Variants in DYNC2I1 observed in about 807,000 individuals in gnomAD.
The protein encoded by DYNC2I1 is dynein 2 intermediate chain 1.
A neutral mutation model predicts 133.4 loss-of-function variants in DYNC2I1; 89 were observed. The ratio of observed to expected loss-of-function variants is 0.67; its 90% CI spans 0.56 to 0.80. DYNC2I1 has a LOEUF of 0.80. Ranked by LOEUF, DYNC2I1 falls within the 30% of genes least tolerant of loss-of-function variation. The pLI is 0.00. For synonymous variants in DYNC2I1, 504 were observed against 484.3 expected, an observed-to-expected ratio of 1.04 and a Z score of -0.54; for missense variants, 1,291 against 1,314.5, an observed-to-expected ratio of 0.98 and a Z score of 0.28.
At chr7:158,904,082 CAG>C (rs1846513755) in intron 10 of DYNC2I1, 1 of 152,244 alleles carries the variant, frequency 6.6e-6, no homozygotes, top group African/African-American at 2.4e-5. Flanking sequence ...GTTGACATCA[CAG>C]TCTGTGCTGA....
At chr7:158,926,559 G>A (rs1215696113) in intron 19 of DYNC2I1, 96 bp downstream of exon 19, 1 of 1,355,614 alleles carries the variant, frequency 7.4e-7, no homozygotes, top group Admixed American at 2.0e-5. Flanking sequence ...GACCCAGTTA[G>A]CTGTGGTGGG....
rs137907830 is a variant in DYNC2I1 at position 158,938,384 on chromosome 7, A to G, written c.2779-3541A>G. Among the ~76,000 whole-genome samples, 4 of 152,334 alleles carry G rather than the reference A, an allele frequency of 2.6e-5. No individual in the cohort carries two copies. The South Asian group carries it at 6.2e-4, about 24-fold the overall frequency. ...CCGTATCCAGCAAAACTGTCATTCAAATATGAGGGAGGGTTAAAGTCTTTC... is the reference window on the plus strand; with the variant it reads ...CCGTATCCAGCAAAACTGTCATTCAGATATGAGGGAGGGTTAAAGTCTTTC... On this transcript the variant is annotated intron_variant, in intron 23 of 24. Coordinates refer to ENST00000407559, the MANE Select transcript of DYNC2I1 (RefSeq NM_018051.5).
rs1848695848 is a variant in DYNC2I1, at chr7:158,918,448, A to G, written c.1792-292A>G. On this transcript the variant is annotated intron_variant, in intron 14 of 24. Coordinates refer to ENST00000407559, the MANE Select transcript of DYNC2I1 (RefSeq NM_018051.5). ...CTTTACACTGCTTTGTTCATTTATG[A>G]ATGCTGGATACCCAGCCCCCTTTCT... 2.0e-5 allele frequency among the ~76,000 whole-genome samples: 3 copies of G among 152,292 alleles called. No individual in the cohort carries two copies. In the South Asian group the frequency reaches 6.2e-4, roughly 32 times the overall value.
downstream of DYNC2I1, among the ~76,000 whole-genome samples, chr7:158,948,148 G>T (rs371477106): frequency 6.6e-6 from 1 of 152,152 alleles, no homozygotes; most frequent in African/African-American, 2.4e-5. Flanking sequence ...TGGAGTAATC[G>T]CAGCCTCTAA....
intron 14 of DYNC2I1, 137 bp from the exon 15 acceptor site, chr7:158,918,603 T>A (rs1848710547): frequency 1.0e-6 from 1 of 965,010 alleles, no homozygotes; most frequent in Non-Finnish European, 1.5e-6. Flanking sequence ...ACCGTATCGT[T>A]TTTCTTGTAG....
In DYNC2I1 at chr7:158,896,994, T is replaced by A. The variant is rs1223270823; in HGVS notation, c.1060-4745T>A. On this transcript the variant is annotated intron_variant, in intron 8 of 24. Transcript: ENST00000407559. ...AAGAATTGTATAATTTCTTTTTTTT[T>A]TTTTTTTGAGACAGAGTCTCTCTCT... Among the ~76,000 whole-genome samples the A allele has an allele frequency of 9.0e-4, 136 of 150,886 alleles. No individual in the cohort carries two copies. In the East Asian group the frequency reaches 0.015, roughly 17 times the overall value.
intron 3 of DYNC2I1, among the ~76,000 whole-genome samples, chr7:158,875,429 GTGATCTTTGAAAGTTTAACTTTGCCC>G (rs1843266894): frequency 6.6e-6 from 1 of 152,164 alleles, no homozygotes; most frequent in Non-Finnish European, 1.5e-5. Flanking sequence ...CTTTGCCTCA[GTGATCTTTGAAAGTTTAACTTTGCCC>G]TGATCTTTTA....
At chr7:158,910,903 G>A (rs1023501368) in intron 11 of DYNC2I1, among the ~76,000 whole-genome samples, 5 of 150,524 alleles carry the variant, frequency 3.3e-5, no homozygotes, top group African/African-American at 1.2e-4. Context: ...AGCGTTGGCT[G>A]TGTCAGGCCT....
chr7:158,947,615 C>G (rs971053473), downstream of DYNC2I1, among the ~76,000 whole-genome samples: 1 of 152,152 alleles, frequency 6.6e-6, no homozygotes, highest in Non-Finnish European at 1.5e-5. Flanking sequence ...AGTTATGTGC[C>G]CGGTCACAGT....
chr7:158,896,675 C>T (rs1845787622), intron 8 of DYNC2I1, among the ~76,000 whole-genome samples: 1 of 151,934 alleles, frequency 6.6e-6, no homozygotes, highest in African/African-American at 2.4e-5. Flanking sequence ...GTCTTAAGAT[C>T]TCACCTAGGC....
chr7:158,871,680 C>CTT, intron 3 of DYNC2I1, 118 bp downstream of exon 3: 1 of 1,190,212 alleles, frequency 8.4e-7, no homozygotes, highest in Non-Finnish European at 1.1e-6. Context: ...TTCCCCTTTC[C>CTT]TTTTTTTTCT....
intron 1 of DYNC2I1, among the ~76,000 whole-genome samples, chr7:158,863,244 C>T (rs981795202): frequency 6.6e-5 from 10 of 151,944 alleles, no homozygotes; most frequent in East Asian, 1.9e-4. Flanking sequence ...CCGATTGGTG[C>T]GTTTACAAAC....
the DYNC2I1 span, among the ~76,000 whole-genome samples, chr7:158,839,777 G>A: frequency 1.3e-5 from 2 of 151,590 alleles, no homozygotes; most frequent in Admixed American, 1.3e-4. Flanking sequence ...CCAAGATAGT[G>A]ATACTGCACT....
downstream of DYNC2I1, among the ~76,000 whole-genome samples, chr7:158,957,315 G>C (rs1040458057): frequency 1.3e-5 from 2 of 152,242 alleles, no homozygotes; most frequent in Non-Finnish European, 2.9e-5. Flanking sequence ...GGCTGCTGGG[G>C]CTGCTCCTGT....
In DYNC2I1 at chr7:158,856,586, T is replaced by TGCC. The variant is rs1841245016; in HGVS notation, c.-148_-147insCGC. On this transcript the variant is annotated 5_prime_UTR_variant, in exon 1 of 25. Transcript: ENST00000407559. ...AGAGGCCGCAGGGCACGCTGGGCAG[T>TGCC]GCTTCTGGGCCCTCTGCTGCTCCTG... 1.3e-6 allele frequency: 1 copy of TGCC among 784,452 alleles called. No individual in the cohort carries two copies. The highest frequency in any genetic ancestry group is 1.8e-5 in the African/African-American group (1 of 55,416). 48.6% of individuals were successfully genotyped at this position (784,452 alleles called of 1,614,324 possible).
intron 22 of DYNC2I1, 53 bp from the exon 23 acceptor site, chr7:158,934,365 C>A: frequency 6.3e-7 from 1 of 1,577,856 alleles, no homozygotes; most frequent in South Asian, 1.2e-5. Context: ...TAGCTGTATC[C>A]AATCTCGTGT....
chr7:158,854,964 C>T (rs889060890), upstream of DYNC2I1, among the ~76,000 whole-genome samples: 2 of 152,308 alleles, frequency 1.3e-5, no homozygotes, highest in South Asian at 2.1e-4. Context: ...CCTGCCTTCA[C>T]GGGGGCCTGG....
chr7:158,895,342 A>C (rs895757036), intron 8 of DYNC2I1, among the ~76,000 whole-genome samples: 4 of 152,208 alleles, frequency 2.6e-5, no homozygotes, highest in African/African-American at 9.6e-5. Context: ...AGGTCTGTCT[A>C]GATCATAGTG....
Position 158,887,047 on chromosome 7 carries a change from A to T in DYNC2I1, c.962A>T (p.His321Leu). 6.2e-7 allele frequency: 1 copy of T among 1,613,984 alleles called. No individual in the cohort carries two copies. The highest frequency in any genetic ancestry group is 2.2e-5 in the East Asian group (1 of 44,886). Residue 321 changes from histidine (H) to leucine (L), a missense_variant, in exon 7 of 25, where the codon CAT becomes CTT. Transcript: ENST00000407559. ...SQHAENLVRNHGKDKDSRRKH... is the reference protein window; with the variant it reads ...SQHAENLVRNLGKDKDSRRKH... ...CATGCTGAGAATTTAGTAAGGAATC[A>T]TGGAAAAGATAAAGATTCAAGACGG...
Sources: allele counts gnomAD v4.1 joint callset (sites outside exome capture counted in the v4.1 genomes callset), GRCh38; gene constraint gnomAD v4.1.1; transcripts MANE v1.5; gene names NCBI Gene and HGNC (gene_info 2026-07-23, HGNC 2026-07-21).